Variants in GAR1 observed in about 807,000 individuals in gnomAD.
The protein encoded by GAR1 is GAR1 ribonucleoprotein.
GAR1 carries 11 observed loss-of-function variants against 29.3 expected under a neutral mutation model. The ratio of observed to expected loss-of-function variants is 0.38; its 90% CI spans 0.24 to 0.62. GAR1 has a LOEUF of 0.62. GAR1 is among the 20% of genes least tolerant of loss of function. The probability of loss-of-function intolerance (pLI) is 0.62; values close to 1 mark genes in which losing one functional copy is unlikely to be tolerated. For missense variants in GAR1, 237 were observed against 268.4 expected (o/e 0.88, Z 0.82); for synonymous variants, 87 against 93.3 (o/e 0.93, Z 0.39).
chr4:109,816,040 G>T (rs1733339172), intron 1 of GAR1, 113 bp from the exon 2 acceptor site: 4 of 1,000,784 alleles, frequency 4.0e-6, no homozygotes, highest in Non-Finnish European at 3.1e-6. Flanking sequence ...CGTGGGTGAG[G>T]TGACAGGGCT....
At chr4:109,818,970 T>C (rs1257934834) in intron 3 of GAR1, 31 bp from the exon 4 acceptor site, 3 of 886,772 alleles carry the variant, frequency 3.4e-6, no homozygotes, top group Non-Finnish European at 5.6e-6. Context: ...TTCATCTTAA[T>C]TGCTCATTTG....
intron 4 of GAR1, among the ~76,000 whole-genome samples, chr4:109,820,557 G>A (rs932156426): frequency 6.6e-6 from 1 of 151,756 alleles, no homozygotes; most frequent in African/African-American, 2.4e-5. Flanking sequence ...TGGAAACTCA[G>A]AAGTAATTGC....
intron 4 of GAR1, among the ~76,000 whole-genome samples, chr4:109,820,131 T>G (rs1197883891): frequency 6.6e-6 from 1 of 152,202 alleles, no homozygotes; most frequent in Non-Finnish European, 1.5e-5. Flanking sequence ...GATGGTATTT[T>G]GGACTCGGTA....
chr4:109,822,062 A>G (rs573793237), intron 4 of GAR1, among the ~76,000 whole-genome samples: 13 of 149,556 alleles, frequency 8.7e-5, no homozygotes, highest in Non-Finnish European at 1.8e-4. Flanking sequence ...TAAAACCTAG[A>G]TGATGGGTTG....
At chr4:109,816,121 T>A (rs1397241198) in intron 1 of GAR1, 32 bp from the exon 2 acceptor site, 1 of 1,591,040 alleles carries the variant, frequency 6.3e-7, no homozygotes, top group Non-Finnish European at 8.6e-7. Flanking sequence ...GCTACAGTGA[T>A]CAGAAGACAT....
chr4:109,824,380 T>A, intron 6 of GAR1, 38 bp from the exon 7 acceptor site: 1 of 1,461,646 alleles, frequency 6.8e-7, no homozygotes, highest in Non-Finnish European at 9.6e-7. Context: ...AAAAATCCAT[T>A]TTCTGTGCCC....
At position 109,822,487 on chromosome 4, in the gene GAR1, C is replaced by T. The variant is rs17849758; in HGVS notation, c.570C>T (p.Gly190=). 1.1e-3 allele frequency: 1,765 copies of T among 1,592,012 alleles called. 23 individuals carry two copies. The African/African-American group carries it at 0.021, about 19-fold the overall frequency. ...GAGGTGGCAGAGGTGGTGGCAGAGG[C>T]GGTAAGTTACTTGGGGAAAATTTCT... ...RGGGGRGGGR[G]GGFRGGRGGG... The change falls in exon 5 of 7, where the codon GGC becomes GGT. Residue 190 remains glycine (G), a splice_region_variant and synonymous_variant. Transcript: ENST00000226796.
intron 3 of GAR1, 72 bp downstream of exon 3, chr4:109,818,162 A>C (rs1733404292): frequency 1.8e-6 from 2 of 1,085,766 alleles, no homozygotes; most frequent in Admixed American, 4.5e-5. Context: ...GAGGCAGTTA[A>C]GTATAAATTA....
chr4:109,823,939 G>A (rs13109228), intron 5 of GAR1, 26 bp from the exon 6 acceptor site: 255,373 of 1,450,634 alleles, frequency 0.18, 28,870 homozygotes, highest in Admixed American at 0.44. Flanking sequence ...AATACTTTGC[G>A]TTATTATTTA....
At position 109,819,045 on chromosome 4, in the gene GAR1, T is replaced by C; in HGVS notation, c.414T>C (p.Phe138=). 6.7e-7 allele frequency: 1 copy of C among 1,498,476 alleles called. No homozygotes were observed. The highest frequency in any genetic ancestry group is 1.1e-5 in the South Asian group (1 of 87,936). 92.8% of individuals were successfully genotyped at this position (1,498,476 alleles called of 1,614,324 possible). The change falls in exon 4 of 7, where the codon TTT becomes TTC. Residue 138 remains phenylalanine, a synonymous_variant. Transcript: ENST00000226796. ...KLSENMKASS[F]KKLQKFYIDP... Reference sequence around the variant, plus strand: ...CAGAAAACATGAAGGCTTCATCCTTTAAAAAACTACAGAAGGTGAGTCAAA... The same window carrying C: ...CAGAAAACATGAAGGCTTCATCCTTCAAAAAACTACAGAAGGTGAGTCAAA...
rs890658946 is a variant in GAR1 at position 109,821,855 on chromosome 4, A to G, written c.430-492A>G. Among the ~76,000 whole-genome samples, 3 of 152,238 alleles carry G rather than the reference A, an allele frequency of 2.0e-5. No individual in the cohort carries two copies. The East Asian group carries it at 5.8e-4, about 29-fold the overall frequency. On this transcript the variant is annotated intron_variant, in intron 4 of 6. Coordinates refer to ENST00000226796, the MANE Select transcript of GAR1 (RefSeq NM_018983.4). Reference sequence around the variant, plus strand: ...GTGAGATAGATACTCTATTCTCTACATTTTACAGATAAGGAAACTAAGGTA... The same window carrying G: ...GTGAGATAGATACTCTATTCTCTACGTTTTACAGATAAGGAAACTAAGGTA...
At chr4:109,815,701 A>G (rs1199292492), upstream of GAR1, 1 of 171,518 alleles carries the variant, frequency 5.8e-6, no homozygotes, top group Non-Finnish European at 1.3e-5. Flanking sequence ...TGGTCTTTAA[A>G]AAACTCTGTG....
chr4:109,816,980 T>G (rs1361201129), intron 2 of GAR1, among the ~76,000 whole-genome samples: 7 of 152,170 alleles, frequency 4.6e-5, no homozygotes, highest in Admixed American at 2.6e-4. Context: ...TTAGGGTAGT[T>G]TTAGAGTAAT....
At position 109,824,001 on chromosome 4, in the gene GAR1, G is replaced by A. The variant is rs770886306; in HGVS notation, c.608G>A (p.Gly203Asp). The A allele has an allele frequency of 1.2e-6, 2 of 1,607,790 alleles. No homozygotes were observed. Among genetic ancestry groups the A allele is most frequent in the Non-Finnish European group, 1.7e-6 (2 of 1,175,602 alleles). ...FRGGRGGGGG[G>D]FRGGRGGGFR... ...GGTGGAAGAGGAGGTGGAGGTGGGG[G>A]CTTCAGAGGAGGAAGAGGTGGTGGT... Residue 203 changes from glycine (G) to aspartate (D), a missense_variant, in exon 6 of 7, where the codon GGC becomes GAC. By Grantham distance (94) the Gly-to-Asp change is moderately conservative (BLOSUM62 -1). Coordinates refer to ENST00000226796, the MANE Select transcript of GAR1 (RefSeq NM_018983.4).
chr4:109,822,204 AGTCT>A (rs1173987109), intron 4 of GAR1, 139 bp from the exon 5 acceptor site: 2 of 495,354 alleles, frequency 4.0e-6, no homozygotes, highest in Non-Finnish European at 7.1e-6. Flanking sequence ...TAAGAAATTA[AGTCT>A]CTACCCAGGG....
chr4:109,822,217 G>T (rs970625868), intron 4 of GAR1, 130 bp from the exon 5 acceptor site: 10 of 572,572 alleles, frequency 1.7e-5, no homozygotes, highest in Non-Finnish European at 3.0e-5. Flanking sequence ...CTCTACCCAG[G>T]GATATGTAGT....
intron 4 of GAR1, among the ~76,000 whole-genome samples, chr4:109,819,918 G>A (rs1733466329): frequency 6.6e-6 from 1 of 152,212 alleles, no homozygotes; most frequent in Non-Finnish European, 1.5e-5. Flanking sequence ...AGAGGTAGGA[G>A]GGGGCTTGAT....
chr4:109,822,428 G>T lies in GAR1; in HGVS notation c.511G>T (p.Gly171Cys). 1 of 1,611,388 alleles carries T rather than the reference G, an allele frequency of 6.2e-7. No homozygotes were observed. Among genetic ancestry groups the T allele is most frequent in the East Asian group, 2.2e-5 (1 of 44,830 alleles). ...PPGEKGPPRG[G>C]GRGGRGGGRG... is the part of the protein sequence containing the mutation. ...AGGTGAGAAAGGACCTCCAAGAGGT[G>T]GTGGCAGGGGAGGCCGAGGAGGAGG... The change falls in exon 5 of 7, where the codon GGT becomes TGT. Residue 171 changes from glycine to cysteine, a missense_variant. Transcript: ENST00000226796.
chr4:109,817,793 A>T, intron 2 of GAR1, 143 bp from the exon 3 acceptor site: 1 of 615,684 alleles, frequency 1.6e-6, no homozygotes, highest in East Asian at 2.9e-5. Flanking sequence ...CCAGCCCAGG[A>T]AGTCCTAAGA....
Sources: gnomAD v4.1 joint callset for allele counts (sites outside exome capture counted in the v4.1 genomes callset) on GRCh38, gnomAD v4.1.1 for gene constraint, MANE v1.5 for transcripts, NCBI Gene and HGNC (gene_info 2026-07-23, HGNC 2026-07-21) for gene names.